Variants in BNC2 observed in about 807,000 individuals in gnomAD.
BNC2 encodes basonuclin zinc finger protein 2, also known as zinc finger protein basonuclin-2.
BNC2 carries 20 observed loss-of-function variants against 76.3 expected under a neutral mutation model. The observed-to-expected ratio is 0.26, with a 90% CI of 0.18 to 0.38. The LOEUF is 0.38. Among genes scored for constraint, BNC2 ranks in the 10% least tolerant of loss-of-function variants. The pLI, the probability that BNC2 is intolerant of heterozygous loss-of-function variation, is 1.00. For synonymous variants in BNC2, 582 were observed against 514.8 expected (o/e 1.13, Z -1.77); for missense variants, 1,382 against 1,399.8 (o/e 0.99, Z 0.20).
In BNC2 at chr9:16,582,892, G is replaced by GACACACACACACACACACACACACAAAC. The variant is rs1819664392; in HGVS notation, c.433+90_433+91insGTTTGTGTGTGTGTGTGTGTGTGTGTGT. On this transcript the variant is annotated intron_variant, in intron 4 of 6. Coordinates refer to ENST00000380672, the MANE Select transcript of BNC2 (RefSeq NM_017637.6). Reference sequence around the variant, plus strand: ...TCCAGGCCAGTGACTCCTCTAAACAGACACACACACACACACACACACACA... The same window carrying GACACACACACACACACACACACACAAAC: ...TCCAGGCCAGTGACTCCTCTAAACAGACACACACACACACACACACACACAAACACACACACACACACACACACACACA... 14 of 627,062 alleles carry GACACACACACACACACACACACACAAAC rather than the reference G, an allele frequency of 2.2e-5. No individual in the cohort carries two copies. In the African/African-American group the frequency reaches 2.6e-4, roughly 12 times the overall value. 38.8% of individuals were successfully genotyped at this position (627,062 alleles called of 1,614,324 possible).
intron 3 of BNC2, among the ~76,000 whole-genome samples, chr9:16,652,160 A>C (rs891948214): frequency 6.6e-6 from 1 of 152,196 alleles, no homozygotes. Flanking sequence ...ATGAGACATA[A>C]AGACCCAACA....
At chr9:16,657,501 A>G (rs1821964430) in intron 3 of BNC2, among the ~76,000 whole-genome samples, 1 of 152,216 alleles carries the variant, frequency 6.6e-6, no homozygotes, top group African/African-American at 2.4e-5. Flanking sequence ...AGGCTAAGGC[A>G]GAAGAGGAAA....
At chr9:16,831,182 A>G (rs1259396539) in intron 1 of BNC2, among the ~76,000 whole-genome samples, 1 of 152,240 alleles carries the variant, frequency 6.6e-6, no homozygotes, top group East Asian at 1.9e-4. Flanking sequence ...CTTTATTATT[A>G]TTCCAGTCTA....
rs1824301377 is a variant in BNC2 at position 16,725,904 on chromosome 9, T to C, written c.330+1893A>G. 2.0e-5 allele frequency among the ~76,000 whole-genome samples: 3 copies of C among 152,290 alleles called. No homozygotes were observed. The South Asian group carries it at 6.2e-4, about 32-fold the overall frequency. The stretch of plus-strand genomic sequence containing the variant: ...CACCATCTATGTGGTTCAATAGCCA[T>C]TTATCAATTGATCATTATCTCTATC... On this transcript the variant is annotated intron_variant, in intron 3 of 6. Transcript: ENST00000380672.
At chr9:16,802,971 G>A (rs1339531646) in intron 1 of BNC2, among the ~76,000 whole-genome samples, 1 of 152,202 alleles carries the variant, frequency 6.6e-6, no homozygotes, top group Non-Finnish European at 1.5e-5. Flanking sequence ...TATTTGGTTG[G>A]TAAAATAGAG....
chr9:16,719,237 C>T (rs542432074), intron 3 of BNC2, among the ~76,000 whole-genome samples: 5 of 152,176 alleles, frequency 3.3e-5, no homozygotes, highest in African/African-American at 7.2e-5. Context: ...TGGCAGAGGG[C>T]GCAGTAGTGG....
At chr9:16,751,518 A>T (rs1391632469) in intron 1 of BNC2, among the ~76,000 whole-genome samples, 1 of 150,756 alleles carries the variant, frequency 6.6e-6, no homozygotes, top group African/African-American at 2.4e-5. Context: ...CTCAAAATAA[A>T]AGTAAATATC....
chr9:16,471,396 C>T (rs185230401), intron 5 of BNC2, among the ~76,000 whole-genome samples: 1,565 of 151,770 alleles, frequency 0.01, 17 homozygotes, highest in African/African-American at 0.02. Flanking sequence ...CGGATTCAAG[C>T]GATTCTCCTG....
chr9:16,748,653 G>C (rs1825081564), intron 1 of BNC2, among the ~76,000 whole-genome samples: 1 of 151,750 alleles, frequency 6.6e-6, no homozygotes, highest in Non-Finnish European at 1.5e-5. Context: ...GATCAGACTG[G>C]CCAACACGGT....
In BNC2 at chr9:16,494,562, G is replaced by C. The variant is rs117268626; in HGVS notation, c.670-57038C>G. Among the ~76,000 whole-genome samples, 7 of 152,282 alleles carry C rather than the reference G, an allele frequency of 4.6e-5. 1 individual carries two copies. In the East Asian group the frequency reaches 1.2e-3, roughly 25 times the overall value. ...CAGCAGTCAGGGCAAGAGTCATTGA[G>C]ATGAGTTCTGAGTCAAGGTCTGAGA... On this transcript the variant is annotated intron_variant, in intron 5 of 6. Coordinates refer to ENST00000380672, the MANE Select transcript of BNC2 (RefSeq NM_017637.6).
intron 5 of BNC2, among the ~76,000 whole-genome samples, chr9:16,515,192 G>C (rs1056133288): frequency 1.3e-5 from 2 of 152,320 alleles, no homozygotes; most frequent in Middle Eastern, 3.4e-3. Context: ...GGAGATCCGA[G>C]AGGGAATCAT....
intron 3 of BNC2, among the ~76,000 whole-genome samples, chr9:16,726,559 TAAA>T (rs35579154): frequency 0.21 from 21,413 of 102,338 alleles, 2,936 homozygotes; most frequent in East Asian, 0.47. Flanking sequence ...AAAAGCTTTT[TAAA>T]AAAAAAAAAA....
At chr9:16,693,347 G>C (rs1823239315) in intron 3 of BNC2, among the ~76,000 whole-genome samples, 1 of 152,066 alleles carries the variant, frequency 6.6e-6, no homozygotes, top group South Asian at 2.1e-4. Context: ...CAACCCTCTG[G>C]GGGTGGGCAG....
At chr9:16,561,637 A>G (rs566487340) in intron 4 of BNC2, among the ~76,000 whole-genome samples, 1 of 152,252 alleles carries the variant, frequency 6.6e-6, no homozygotes, top group African/African-American at 2.4e-5. Flanking sequence ...CTTGGCTTAT[A>G]TTCTATATGG....
intron 1 of BNC2, among the ~76,000 whole-genome samples, chr9:16,763,994 C>T (rs1272844988): frequency 6.6e-6 from 1 of 152,148 alleles, no homozygotes; most frequent in Non-Finnish European, 1.5e-5. Flanking sequence ...CCCTTAATGT[C>T]CCTTTACTAC....
At chr9:16,862,340 AT>A (rs1357485485) in intron 1 of BNC2, among the ~76,000 whole-genome samples, 4 of 152,224 alleles carry the variant, frequency 2.6e-5, no homozygotes, top group African/African-American at 4.8e-5. Flanking sequence ...TGGGTGAGTT[AT>A]ATCTCAATAA....
intron 3 of BNC2, among the ~76,000 whole-genome samples, chr9:16,686,588 C>T (rs561340870): frequency 2.0e-5 from 3 of 152,182 alleles, no homozygotes; most frequent in Admixed American, 6.5e-5. Context: ...CAAAGCACTC[C>T]TCTGTTTTGT....
At chr9:16,661,404 C>A (rs193076539) in intron 3 of BNC2, among the ~76,000 whole-genome samples, 2 of 152,288 alleles carry the variant, frequency 1.3e-5, no homozygotes, top group East Asian at 3.9e-4. Context: ...TGGAGACTGA[C>A]TTCAATAGTA....
chr9:16,430,558 G>A (rs1393039118), intron 6 of BNC2, among the ~76,000 whole-genome samples: 3 of 152,160 alleles, frequency 2.0e-5, no homozygotes, highest in African/African-American at 7.2e-5. Flanking sequence ...TGAGAAGGTG[G>A]TAACAGGAGG....
Sources: gnomAD v4.1 joint callset for allele counts (sites outside exome capture counted in the v4.1 genomes callset) on GRCh38, gnomAD v4.1.1 for gene constraint, MANE v1.5 for transcripts, NCBI Gene and HGNC (gene_info 2026-07-23, HGNC 2026-07-21) for gene names.